The following RGMA variants were observed in gnomAD, a reference collection of about 807,000 sequenced individuals.
RGMA encodes the protein repulsive guidance molecule A.
RGMA carries 10 observed loss-of-function variants against 23.2 expected under a neutral mutation model. That is an observed-to-expected ratio of 0.43 (90% CI 0.27 to 0.73). The LOEUF (loss-of-function observed/expected upper bound fraction) is 0.73. Ranked by LOEUF, RGMA falls within the 30% of genes least tolerant of loss-of-function variation. The pLI is 0.20. For synonymous variants in RGMA, 308 were observed against 279.3 expected (o/e 1.10, Z -1.03); for missense variants, 547 against 630.5 (o/e 0.87, Z 1.42).
Position 93,055,326 on chromosome 15 carries a change from C to T in RGMA, c.131-2819G>A, listed in dbSNP as rs117622724. 7.7e-4 allele frequency among the ~76,000 whole-genome samples: 117 copies of T among 152,320 alleles called. No individual in the cohort carries two copies. In the South Asian group the frequency reaches 0.015, roughly 20 times the overall value. ...TGTGCTGGGCTCTGACTCTCCACCA[C>T]GACCAAATCTGGTAGAACCTAGGAG... is the stretch of plus-strand genomic sequence containing the variant. On this transcript the variant is annotated intron_variant, in intron 2 of 3. Coordinates refer to ENST00000329082, the MANE Select transcript of RGMA (RefSeq NM_020211.3).
At chr15:93,065,996 C>A in intron 2 of RGMA, 2 of 1,271,960 alleles carry the variant, frequency 1.6e-6, no homozygotes, top group South Asian at 1.3e-5. Context: ...GAGTCTTTGG[C>A]CCGTTCCCCT....
At chr15:93,088,683 G>T in intron 1 of RGMA, 1 of 811,712 alleles carries the variant, frequency 1.2e-6, no homozygotes, top group African/African-American at 1.8e-5. Context: ...GCGCGCTGGC[G>T]GCTGCCCGGG....
At chr15:93,085,090 C>A (rs1370333857) in intron 1 of RGMA, among the ~76,000 whole-genome samples, 1 of 151,294 alleles carries the variant, frequency 6.6e-6, no homozygotes, top group Non-Finnish European at 1.5e-5. Context: ...AAAACTCTTA[C>A]TGAGAAATTA....
At chr15:93,049,397 G>C (rs28464235) in intron 3 of RGMA, among the ~76,000 whole-genome samples, 1,562 of 152,290 alleles carry the variant, frequency 0.01, 28 homozygotes, top group African/African-American at 0.036. Context: ...GAAGGCGCAG[G>C]ACTTGAGTTC....
chr15:93,053,153 C>T (rs894592340), intron 2 of RGMA, among the ~76,000 whole-genome samples: 16 of 152,214 alleles, frequency 1.1e-4, no homozygotes, highest in Admixed American at 6.5e-4. Context: ...ATAGCCCCAT[C>T]CTCTGTCCTG....
In RGMA at chr15:93,035,616, T is replaced by C. The variant is rs575879191; in HGVS notation, c.*9382A>G. On this transcript the variant is annotated 3_prime_UTR_variant, in exon 4 of 4. Transcript: ENST00000329082. ...CAGCAAGACCAATTTAGCAGGACTC[T>C]TGCTAAAACCGAACAATCCAGAGAC... The C allele has an allele frequency of 6.6e-6, 1 of 152,300 alleles. No individual in the cohort carries two copies. The highest frequency in any genetic ancestry group is 2.4e-5 in the African/African-American group (1 of 41,536). The allele number at this position is 152,300 out of a possible 1,614,324, so 9.4% of individuals were successfully genotyped here.
In RGMA at chr15:93,044,816, A is replaced by C. The variant is rs970989285; in HGVS notation, c.*182T>G. On this transcript the variant is annotated 3_prime_UTR_variant, in exon 4 of 4. Coordinates refer to ENST00000329082, the MANE Select transcript of RGMA (RefSeq NM_020211.3). ...CAAACATCATGGCACCAGTCACCAC[A>C]ACCTTGTCACGTGCACTAGAAGGGG... 2 of 607,318 alleles carry C rather than the reference A, an allele frequency of 3.3e-6. No homozygotes were observed. Among genetic ancestry groups the C allele is most frequent in the East Asian group, 2.8e-5 (1 of 36,230 alleles). The allele number at this position is 607,318 out of a possible 1,614,324, so 37.6% of individuals were successfully genotyped here. A position where few individuals can be genotyped will look rare whatever the true frequency, so the allele number is the denominator to read the frequency against.
intron 3 of RGMA, among the ~76,000 whole-genome samples, chr15:93,050,841 G>A (rs537670601): frequency 5.3e-5 from 8 of 152,294 alleles, no homozygotes; most frequent in African/African-American, 9.6e-5. Flanking sequence ...CCTCTGAAGC[G>A]TGCTGGTGCC....
chr15:93,062,371 G>A (rs1894994498), intron 2 of RGMA, among the ~76,000 whole-genome samples: 1 of 152,296 alleles, frequency 6.6e-6, no homozygotes, highest in African/African-American at 2.4e-5. Flanking sequence ...GTTTAAGAAT[G>A]GAAGTACGAG....
At chr15:93,053,362 C>T (rs1460334166) in intron 2 of RGMA, among the ~76,000 whole-genome samples, 2 of 152,220 alleles carry the variant, frequency 1.3e-5, no homozygotes, top group Non-Finnish European at 2.9e-5. Flanking sequence ...TGGCCAGGCA[C>T]ACAGACCTGC....
Position 93,066,083 on chromosome 15 carries a change from T to C in RGMA, c.130+6833A>G, listed in dbSNP as rs1019928858. On this transcript the variant is annotated intron_variant, in intron 2 of 3. Coordinates refer to ENST00000329082, the MANE Select transcript of RGMA (RefSeq NM_020211.3). ...GGGGCAACTGAGGGAGGCCGGGGGA[T>C]GAATCGGCGAAACTTACGTAGGTTG... 4 of 1,515,862 alleles carry C rather than the reference T, an allele frequency of 2.6e-6. No individual in the cohort carries two copies. The African/African-American group carries it at 5.5e-5, about 21-fold the overall frequency. The allele number at this position is 1,515,862 out of a possible 1,614,324, so 93.9% of individuals were successfully genotyped here.
intron 1 of RGMA, among the ~76,000 whole-genome samples, chr15:93,079,685 C>T (rs1299071665): frequency 6.6e-6 from 1 of 152,086 alleles, no homozygotes; most frequent in Admixed American, 6.5e-5. Flanking sequence ...CCAGGCATGG[C>T]AGTGGGCACC....
At position 93,044,266 on chromosome 15, in the gene RGMA, C is replaced by T. The variant is rs2054775114; in HGVS notation, c.*732G>A. ...TTTAGACATTTAGAACCAAGCACTT[C>T]GACTTTCTAAGCACAGGGTGGAAGG... is the stretch of plus-strand genomic sequence containing the variant. On this transcript the variant is annotated 3_prime_UTR_variant, in exon 4 of 4. Transcript: ENST00000329082. The T allele has an allele frequency of 1.3e-5, 2 of 152,552 alleles. No homozygotes were observed. The highest frequency in any genetic ancestry group is 2.1e-4 in the South Asian group (1 of 4,832). 9.4% of individuals were successfully genotyped at this position (152,552 alleles called of 1,614,324 possible). A position where few individuals can be genotyped will look rare whatever the true frequency, so the allele number is the denominator to read the frequency against.
intron 2 of RGMA, among the ~76,000 whole-genome samples, chr15:93,069,665 G>C (rs866030811): frequency 2.0e-4 from 31 of 152,346 alleles, no homozygotes; most frequent in African/African-American, 7.0e-4. Flanking sequence ...GCCTGCTCTA[G>C]AACACAGACT....
intron 2 of RGMA, among the ~76,000 whole-genome samples, 180 bp downstream of exon 2, chr15:93,072,736 C>CA (rs1243765386): frequency 6.6e-6 from 1 of 152,212 alleles, no homozygotes; most frequent in Non-Finnish European, 1.5e-5. Context: ...TCCGGGTCCC[C>CA]AAGGGCAGGC....
intron 2 of RGMA, among the ~76,000 whole-genome samples, chr15:93,067,190 A>G (rs966815963): frequency 6.6e-6 from 1 of 152,186 alleles, no homozygotes; most frequent in African/African-American, 2.4e-5. Flanking sequence ...TTATTTTATT[A>G]CTTATCCCTT....
intron 2 of RGMA, 99 bp downstream of exon 2, chr15:93,072,817 C>G: frequency 7.5e-7 from 1 of 1,328,858 alleles, no homozygotes; most frequent in Non-Finnish European, 1.0e-6. Flanking sequence ...CGGAGGAGGT[C>G]CGGAGAACTT....
rs568630172 is a variant in RGMA, at chr15:93,064,002, A to T, written c.130+8914T>A. ...CCAGCCTCACTCATACCAAGTGGCT[A>T]CACGAAACCACACCGTGTGCCAAGG... On this transcript the variant is annotated intron_variant, in intron 2 of 3. Transcript: ENST00000329082. 4.6e-5 allele frequency among the ~76,000 whole-genome samples: 7 copies of T among 152,328 alleles called. No individual in the cohort carries two copies. In the South Asian group the frequency reaches 1.2e-3, roughly 27 times the overall value.
chr15:93,059,379 T>C (rs1430132351), intron 2 of RGMA, among the ~76,000 whole-genome samples: 4 of 152,170 alleles, frequency 2.6e-5, no homozygotes, highest in African/African-American at 4.8e-5. Context: ...TCCCGACTTC[T>C]TGGGTTTCCC....
Sources: allele counts gnomAD v4.1 joint callset (sites outside exome capture counted in the v4.1 genomes callset), GRCh38; gene constraint gnomAD v4.1.1; transcripts MANE v1.5; gene names NCBI Gene and HGNC (gene_info 2026-07-23, HGNC 2026-07-21).